PGM3: variants seen among roughly 807,000 people sequenced by gnomAD.
PGM3 encodes phosphoacetylglucosamine mutase.
A neutral mutation model predicts 66.2 loss-of-function variants in PGM3; 40 were observed. The observed-to-expected ratio is 0.60, with a 90% confidence interval of 0.47 to 0.79. The LOEUF is 0.79. Ranked by LOEUF, PGM3 falls within the 30% of genes least tolerant of loss-of-function variation. The pLI is 0.00. For missense variants in PGM3, 537 were observed against 643.4 expected, an observed-to-expected ratio of 0.83 and a Z score of 1.79; for synonymous variants, 191 against 224.2, an observed-to-expected ratio of 0.85 and a Z score of 1.32.
rs1786394203 is a variant in PGM3, at chr6:83,168,529, T to C, written c.*705A>G. 1 of 1,009,050 alleles carries C rather than the reference T, an allele frequency of 9.9e-7. No homozygotes were observed. Among genetic ancestry groups the C allele is most frequent in the Admixed American group, 5.4e-5 (1 of 18,388 alleles). The allele number at this position is 1,009,050 out of a possible 1,614,324, so 62.5% of individuals were successfully genotyped here. A position where few individuals can be genotyped will look rare whatever the true frequency, so the allele number is the denominator to read the frequency against. On this transcript the variant is annotated 3_prime_UTR_variant, in exon 13 of 13. Transcript: ENST00000513973. The stretch of plus-strand genomic sequence containing the variant: ...GTTGGGGATTTTTCTCTTTTCCTTA[T>C]TAACCATGTTCTGGTATCAGAATGG...
At chr6:83,161,866 A>G (rs530133040), downstream of PGM3, among the ~76,000 whole-genome samples, 19 of 152,286 alleles carry the variant, frequency 1.2e-4, no homozygotes, top group East Asian at 3.7e-3. Context: ...ACAAAAATAA[A>G]TAAGCATTAC....
At chr6:83,161,408 G>A (rs921996185), downstream of PGM3, among the ~76,000 whole-genome samples, 1 of 152,122 alleles carries the variant, frequency 6.6e-6, no homozygotes, top group African/African-American at 2.4e-5. Context: ...TACTTGATAA[G>A]TTTACTGTAT....
intron 10 of PGM3, among the ~76,000 whole-genome samples, chr6:83,172,410 C>G (rs538309685): frequency 6.6e-6 from 1 of 152,116 alleles, no homozygotes; most frequent in Non-Finnish European, 1.5e-5. Context: ...AAGACCTTGT[C>G]TCTTAATAAA....
At chr6:83,155,954 G>C in the PGM3 span, 1 of 1,609,980 alleles carries the variant, frequency 6.2e-7, no homozygotes, top group South Asian at 1.1e-5. Flanking sequence ...TTTTCAGCTC[G>C]TGTAGCAGTG....
chr6:83,148,831 T>A, the PGM3 span: 1 of 1,549,498 alleles, frequency 6.5e-7, no homozygotes, highest in Non-Finnish European at 8.6e-7. Flanking sequence ...TACAACTGAG[T>A]CTTCCAGCTC....
intron 9 of PGM3, 130 bp downstream of exon 9, chr6:83,175,832 C>A: frequency 1.7e-6 from 1 of 579,216 alleles, no homozygotes. Context: ...ATAAGATAAC[C>A]AAAGGATCTT....
At position 83,168,076 on chromosome 6, in the gene PGM3, T is replaced by G. The variant is rs1194173263; in HGVS notation, c.*1158A>C. 1.2e-6 allele frequency: 2 copies of G among 1,614,178 alleles called. No homozygotes were observed. The highest frequency in any genetic ancestry group is 1.7e-5 in the Admixed American group (1 of 60,018). The stretch of plus-strand genomic sequence containing the variant: ...GCCTTCCCTAATAAGGACATGAAAC[T>G]GGAGAACCACAAACCATGTTCCAGC... On this transcript the variant is annotated 3_prime_UTR_variant, in exon 13 of 13. Transcript: ENST00000513973.
intron 1 of PGM3, chr6:83,191,376 T>C (rs765624438): frequency 4.0e-5 from 28 of 701,292 alleles, no homozygotes; most frequent in Admixed American, 8.1e-5. Flanking sequence ...TCAAAGATCA[T>C]TTCATTTTAC....
chr6:83,173,913 T>C (rs1440119400), intron 10 of PGM3, among the ~76,000 whole-genome samples: 1 of 151,960 alleles, frequency 6.6e-6, no homozygotes, highest in Non-Finnish European at 1.5e-5. Context: ...ATTTTTTGTA[T>C]TTTTAGTAGA....
intron 4 of PGM3, among the ~76,000 whole-genome samples, chr6:83,186,163 A>G (rs1016864354): frequency 1.3e-5 from 2 of 152,182 alleles, no homozygotes; most frequent in Non-Finnish European, 2.9e-5. Context: ...TTTCCCAGAC[A>G]TGCCACAGAG....
chr6:83,164,605 C>T, downstream of PGM3: 1 of 1,506,354 alleles, frequency 6.6e-7, no homozygotes, highest in Non-Finnish European at 9.0e-7. Context: ...TCTTCATGGC[C>T]AAGCATACTT....
the PGM3 span, chr6:83,152,486 C>A: frequency 2.3e-6 from 1 of 426,552 alleles, no homozygotes; most frequent in Non-Finnish European, 4.0e-6. Flanking sequence ...TTCTAGAAAT[C>A]ACTATATAGA....
In PGM3 at chr6:83,183,107, T is replaced by C. The variant is rs562106268; in HGVS notation, c.458-129A>G. On this transcript the variant is annotated intron_variant, in intron 4 of 12. Coordinates refer to ENST00000513973, the MANE Select transcript of PGM3 (RefSeq NM_015599.3). The stretch of plus-strand genomic sequence containing the variant: ...GTCATCTCAGACATCTTAGAAAACA[T>C]AAAAATGATCTTAAAAAGAAATATA... 25 of 800,754 alleles carry C rather than the reference T, an allele frequency of 3.1e-5. No homozygotes were observed. The East Asian group carries it at 5.7e-4, about 18-fold the overall frequency. The allele number at this position is 800,754 out of a possible 1,614,324, so 49.6% of individuals were successfully genotyped here.
At chr6:83,155,573 A>G in the PGM3 span, among the ~76,000 whole-genome samples, 2 of 152,204 alleles carry the variant, frequency 1.3e-5, no homozygotes, top group East Asian at 1.9e-4. Flanking sequence ...GAGGGTGAGT[A>G]ATGACTTGAG....
chr6:83,189,308 A>G (rs1041660383), intron 2 of PGM3, among the ~76,000 whole-genome samples: 2 of 152,178 alleles, frequency 1.3e-5, no homozygotes, highest in African/African-American at 4.8e-5. Context: ...AGCGGGTAGG[A>G]CAGACACTGA....
At chr6:83,169,860 C>T (rs1341168176) in intron 12 of PGM3, 5 of 440,332 alleles carry the variant, frequency 1.1e-5, no homozygotes, top group Non-Finnish European at 2.2e-5. Context: ...GAAACAGGCA[C>T]AGAGTAAGGC....
Position 83,179,243 on chromosome 6 carries a change from C to T in PGM3, c.946-487G>A, listed in dbSNP as rs974572868. 2.8e-5 allele frequency among the ~76,000 whole-genome samples: 4 copies of T among 145,128 alleles called. 1 individual carries two copies. The highest frequency in any genetic ancestry group is 1.0e-4 in the African/African-American group (4 of 38,770). Reference sequence around the variant, plus strand: ...GAAGAATTGCTTGAGCCCAGGGAGGCAGAGGTTGCAATGAGCCGAGATCAC... The same window carrying T: ...GAAGAATTGCTTGAGCCCAGGGAGGTAGAGGTTGCAATGAGCCGAGATCAC... On this transcript the variant is annotated intron_variant, in intron 7 of 12. Transcript: ENST00000513973.
chr6:83,167,430 T>C lies in PGM3; in HGVS notation c.*1804A>G, dbSNP rs780675023. The C allele has an allele frequency of 1.0e-6, 1 of 982,692 alleles. No homozygotes were observed. Among genetic ancestry groups the C allele is most frequent in the Non-Finnish European group, 1.2e-6 (1 of 827,164 alleles). 60.9% of individuals were successfully genotyped at this position (982,692 alleles called of 1,614,324 possible). ...TAGATAAAAGGGAATTAACTAATTATAATAAAAGGGGATATATTATGAAAT... is the reference window on the plus strand; with the variant it reads ...TAGATAAAAGGGAATTAACTAATTACAATAAAAGGGGATATATTATGAAAT... On this transcript the variant is annotated 3_prime_UTR_variant, in exon 13 of 13. Transcript: ENST00000513973.
At position 83,167,821 on chromosome 6, in the gene PGM3, G is replaced by A. The variant is rs1300291405; in HGVS notation, c.*1413C>T. The A allele has an allele frequency of 6.5e-7, 1 of 1,547,480 alleles. No individual in the cohort carries two copies. The highest frequency in any genetic ancestry group is 8.7e-7 in the Non-Finnish European group (1 of 1,149,134). On this transcript the variant is annotated 3_prime_UTR_variant, in exon 13 of 13. Coordinates refer to ENST00000513973, the MANE Select transcript of PGM3 (RefSeq NM_015599.3). ...TTTAATTTTTCTAACATACCACATT[G>A]TCTGTTGTATTAATACCAGTTCACT...
Sources: gnomAD v4.1 joint callset for allele counts (sites outside exome capture counted in the v4.1 genomes callset) on GRCh38, gnomAD v4.1.1 for gene constraint, MANE v1.5 for transcripts, NCBI Gene and HGNC (gene_info 2026-07-23, HGNC 2026-07-21) for gene names.